SLCO3A1: variants seen among roughly 807,000 people sequenced by gnomAD.
SLCO3A1 encodes the protein PGE1 transporter.
Under a neutral mutation model 63.1 loss-of-function variants are expected in SLCO3A1, and 27 were observed. The observed-to-expected ratio is 0.43, with a 90% confidence interval of 0.32 to 0.59. SLCO3A1 has a LOEUF of 0.59. SLCO3A1 is among the 20% of genes least tolerant of loss of function. The pLI is 0.09. For synonymous variants in SLCO3A1, 473 were observed against 409.9 expected, an observed-to-expected ratio of 1.15 and a Z score of -1.86; for missense variants, 773 against 945.8, an observed-to-expected ratio of 0.82 and a Z score of 2.40.
Position 92,164,654 on chromosome 15 carries a change from C to G in SLCO3A1, c.*1519C>G. 2.0e-6 allele frequency: 2 copies of G among 985,356 alleles called. No individual in the cohort carries two copies. The highest frequency in any genetic ancestry group is 2.4e-6 in the Non-Finnish European group (2 of 829,908). 61.0% of individuals were successfully genotyped at this position (985,356 alleles called of 1,614,324 possible). A position where few individuals can be genotyped will look rare whatever the true frequency, so the allele number is the denominator to read the frequency against. On this transcript the variant is annotated 3_prime_UTR_variant, in exon 10 of 10. Coordinates refer to ENST00000318445, the MANE Select transcript of SLCO3A1 (RefSeq NM_013272.4). ...AGACCCACAAGCTCCTGGAAGCTGT[C>G]GTGTGTCCAATGCGTGAAAATGTCT...
At chr15:92,026,957 G>A (rs894710422) in intron 2 of SLCO3A1, among the ~76,000 whole-genome samples, 1 of 152,122 alleles carries the variant, frequency 6.6e-6, no homozygotes, top group Non-Finnish European at 1.5e-5. Context: ...TGGTGTGGTG[G>A]TGCACGCCTG....
chr15:91,896,549 T>C (rs553282743), intron 1 of SLCO3A1, among the ~76,000 whole-genome samples: 2 of 152,156 alleles, frequency 1.3e-5, no homozygotes, highest in Non-Finnish European at 1.5e-5. Flanking sequence ...GTTCTCGTGA[T>C]AGTGAATAAG....
At chr15:91,936,379 A>G (rs74028380) in intron 2 of SLCO3A1, among the ~76,000 whole-genome samples, 1,755 of 152,316 alleles carry the variant, frequency 0.012, 37 homozygotes, top group African/African-American at 0.04. Flanking sequence ...ATACAGTGAA[A>G]AACTCAGTTC....
intron 2 of SLCO3A1, among the ~76,000 whole-genome samples, chr15:91,984,309 A>G (rs1056684361): frequency 1.3e-5 from 2 of 152,180 alleles, no homozygotes; most frequent in African/African-American, 4.8e-5. Flanking sequence ...CACTTCAGCT[A>G]TTTTCACAAG....
intron 2 of SLCO3A1, among the ~76,000 whole-genome samples, chr15:92,090,530 G>T (rs1482670227): frequency 6.6e-6 from 1 of 152,194 alleles, no homozygotes; most frequent in East Asian, 1.9e-4. Flanking sequence ...AACCCAGTGT[G>T]CCAATGTGCT....
In SLCO3A1 at chr15:91,924,706, C is replaced by T. The variant is rs553750838; in HGVS notation, c.646+8248C>T. Among the ~76,000 whole-genome samples, 40 of 152,238 alleles carry T rather than the reference C, an allele frequency of 2.6e-4. No homozygotes were observed. The South Asian group carries it at 6.8e-3, about 26-fold the overall frequency. ...GAGTGAGGGTAACACCACTGCTGAG[C>T]GGACCCACTCCTACTGACACCTTGC... is the stretch of plus-strand genomic sequence containing the variant. On this transcript the variant is annotated intron_variant, in intron 2 of 9. Transcript: ENST00000318445.
intron 2 of SLCO3A1, among the ~76,000 whole-genome samples, chr15:91,977,370 G>A (rs565306902): frequency 1.4e-3 from 211 of 152,234 alleles, no homozygotes; most frequent in African/African-American, 4.8e-3. Context: ...GTTGTGATAC[G>A]TTCCAAGTTG....
chr15:92,113,790 C>T (rs184472019), intron 4 of SLCO3A1, among the ~76,000 whole-genome samples: 12 of 152,306 alleles, frequency 7.9e-5, no homozygotes, highest in Middle Eastern at 3.4e-3. Flanking sequence ...TCTACCCCTA[C>T]GCAAGGGAAT....
At chr15:91,901,695 T>A (rs898713210) in intron 1 of SLCO3A1, among the ~76,000 whole-genome samples, 7 of 152,228 alleles carry the variant, frequency 4.6e-5, no homozygotes, top group African/African-American at 1.4e-4. Flanking sequence ...CAGCTCTTAA[T>A]CTTATTGAGG....
chr15:91,920,727 A>G (rs545872130), intron 2 of SLCO3A1, among the ~76,000 whole-genome samples: 5 of 152,148 alleles, frequency 3.3e-5, no homozygotes, highest in South Asian at 4.1e-4. Flanking sequence ...TGTGTTAGAA[A>G]TAGGCCACCT....
chr15:91,941,439 G>C lies in SLCO3A1; in HGVS notation c.646+24981G>C, dbSNP rs1162746651. 9.2e-6 allele frequency: 4 copies of C among 433,978 alleles called. 1 individual carries two copies. Among genetic ancestry groups the C allele is most frequent in the Non-Finnish European group, 1.9e-5 (4 of 216,178 alleles). The allele number at this position is 433,978 out of a possible 1,614,324, so 26.9% of individuals were successfully genotyped here. ...GAGTGGCGCTGTCACTCGTTGAGGTGGTGGCCTGGTTCCTTTGGCCTTAGG... is the reference window on the plus strand; with the variant it reads ...GAGTGGCGCTGTCACTCGTTGAGGTCGTGGCCTGGTTCCTTTGGCCTTAGG... On this transcript the variant is annotated intron_variant, in intron 2 of 9. Transcript: ENST00000318445. The surrounding 1 kb of genome is among the most constrained non-coding windows in gnomAD (Gnocchi z 4.4).
rs2151363313 is a variant in SLCO3A1 at position 91,897,913 on chromosome 15, G to A, written c.181-18080G>A. 6.6e-6 allele frequency among the ~76,000 whole-genome samples: 1 copy of A among 152,314 alleles called. No homozygotes were observed. Among genetic ancestry groups the A allele is most frequent in the East Asian group, 1.9e-4 (1 of 5,176 alleles). On this transcript the variant is annotated intron_variant, in intron 1 of 9. Transcript: ENST00000318445. The surrounding 1 kb of genome is among the most constrained non-coding windows in gnomAD (Gnocchi z 4.7). ...CAGAGCCAGGCGAAGTTGAGAACAA[G>A]AAGGAATCGCTGCTCTACACACACG...
intron 4 of SLCO3A1, among the ~76,000 whole-genome samples, chr15:92,105,317 C>G (rs1179310986): frequency 6.6e-6 from 1 of 152,128 alleles, no homozygotes; most frequent in African/African-American, 2.4e-5. Context: ...TCTTTACATT[C>G]ACTTTGTCCT....
intron 7 of SLCO3A1, among the ~76,000 whole-genome samples, 155 bp downstream of exon 7, chr15:92,128,644 C>G (rs1446623683): frequency 6.6e-6 from 1 of 152,194 alleles, no homozygotes; most frequent in Non-Finnish European, 1.5e-5. Flanking sequence ...GATGAGAGGA[C>G]TGATTCAGGT....
intron 2 of SLCO3A1, among the ~76,000 whole-genome samples, chr15:92,062,810 G>T (rs1172030333): frequency 3.3e-5 from 5 of 152,154 alleles, no homozygotes; most frequent in African/African-American, 1.2e-4. Flanking sequence ...TGCTCATTAA[G>T]GCTTTCCCTG....
chr15:92,053,690 TTGTTTG>T (rs200260121), intron 2 of SLCO3A1, among the ~76,000 whole-genome samples: 8 of 81,730 alleles, frequency 9.8e-5, no homozygotes, highest in Non-Finnish European at 1.7e-4. Flanking sequence ...TTTTGTTTGT[TTGTTTG>T]TTTTTTTTTT....
At position 91,931,911 on chromosome 15, in the gene SLCO3A1, G is replaced by A. The variant is rs1323129368; in HGVS notation, c.646+15453G>A. On this transcript the variant is annotated intron_variant, in intron 2 of 9. Transcript: ENST00000318445. ...GTTCTTTTAAGAAATCACTGTTGCT[G>A]GAGACTTTTAGGCAAGTGATGTGAG... Among the ~76,000 whole-genome samples, 6 of 152,222 alleles carry A rather than the reference G, an allele frequency of 3.9e-5. 1 individual carries two copies. In the East Asian group the frequency reaches 1.2e-3, roughly 29 times the overall value.
At position 91,872,529 on chromosome 15, in the gene SLCO3A1, G is replaced by A. The variant is rs964067944; in HGVS notation, c.180+18441G>A. ...AGCCAGGGCAACAAAATGAGACTCCGTCTCAAAAAAAAAAAGAAAAGAAAA... is the reference window on the plus strand; with the variant it reads ...AGCCAGGGCAACAAAATGAGACTCCATCTCAAAAAAAAAAAGAAAAGAAAA... On this transcript the variant is annotated intron_variant, in intron 1 of 9. Coordinates refer to ENST00000318445, the MANE Select transcript of SLCO3A1 (RefSeq NM_013272.4). This position sits in a 1 kb window ranked among gnomAD's most constrained non-coding sequence, Gnocchi z 4.1. Among the ~76,000 whole-genome samples the A allele has an allele frequency of 6.6e-5, 10 of 150,504 alleles. No individual in the cohort carries two copies. Among genetic ancestry groups the A allele is most frequent in the African/African-American group, 2.0e-4 (8 of 40,670 alleles).
intron 4 of SLCO3A1, among the ~76,000 whole-genome samples, chr15:92,110,874 A>ACG (rs2047720595): frequency 6.6e-6 from 1 of 151,194 alleles, no homozygotes; most frequent in African/African-American, 2.4e-5. Flanking sequence ...TGACCAATCC[A>ACG]TAGACTTGGC....
Sources: allele counts gnomAD v4.1 joint callset (sites outside exome capture counted in the v4.1 genomes callset), GRCh38; gene constraint gnomAD v4.1.1; non-coding constraint Gnocchi (gnomAD v3.1); transcripts MANE v1.5; gene names NCBI Gene and HGNC (gene_info 2026-07-23, HGNC 2026-07-21).